SDK1: variants seen among roughly 807,000 people sequenced by gnomAD.
SDK1 encodes sidekick cell adhesion molecule 1.
Under a neutral mutation model 245.5 loss-of-function variants are expected in SDK1, and 157 were observed. That is an observed-to-expected ratio of 0.64 (90% CI 0.56 to 0.73). The LOEUF is 0.73. Among genes scored for constraint, SDK1 ranks in the 30% least tolerant of loss-of-function variants. SDK1 has a pLI of 0.00. For missense variants in SDK1, 3,583 were observed against 3,002.3 expected, an observed-to-expected ratio of 1.19 and a Z score of -4.52; for synonymous variants, 1,647 against 1,278.5, an observed-to-expected ratio of 1.29 and a Z score of -6.15.
intron 1 of SDK1, among the ~76,000 whole-genome samples, chr7:3,477,115 G>T (rs962189628): frequency 1.4e-5 from 2 of 146,656 alleles, no homozygotes; most frequent in Non-Finnish European, 3.0e-5. Flanking sequence ...GTACTTCCTT[G>T]TTTAAGCTAG....
intron 1 of SDK1, among the ~76,000 whole-genome samples, chr7:3,458,432 A>G (rs764693290): frequency 6.6e-5 from 10 of 152,000 alleles, no homozygotes; most frequent in South Asian, 2.1e-4. Context: ...AACTCCTTCT[A>G]TGTGGCTGTT....
chr7:3,821,570 T>C lies in SDK1; in HGVS notation c.834T>C (p.His278=). Residue 278 remains histidine, a synonymous_variant, in exon 5 of 45, where the codon CAT becomes CAC. Coordinates refer to ENST00000404826, the MANE Select transcript of SDK1 (RefSeq NM_152744.4). ...AAAACAAGACAAGCCCATTCATTCA[T>C]TTGAGCATAGCAAGTGAGTTTTGAA... ...NGENKTSPFI[H]LSIARDVGTP... 6.2e-7 allele frequency: 1 copy of C among 1,613,504 alleles called. No individual in the cohort carries two copies. The highest frequency in any genetic ancestry group is 8.5e-7 in the Non-Finnish European group (1 of 1,179,784).
rs78027331 is a variant in SDK1 at position 3,684,473 on chromosome 7, A to G, written c.713+42368A>G. 1.2e-3 allele frequency among the ~76,000 whole-genome samples: 181 copies of G among 152,312 alleles called. 1 individual carries two copies. Among genetic ancestry groups the G allele is most frequent in the African/African-American group, 4.2e-3 (176 of 41,562 alleles). On this transcript the variant is annotated intron_variant, in intron 4 of 44. Coordinates refer to ENST00000404826, the MANE Select transcript of SDK1 (RefSeq NM_152744.4). ...GGAGAAGCCCAGCATAAAGCTGAAC[A>G]CACATACCCAGCCGGCCTTTATGCT...
intron 1 of SDK1, among the ~76,000 whole-genome samples, chr7:3,540,394 G>A (rs1370925221): frequency 2.6e-5 from 4 of 152,186 alleles, no homozygotes; most frequent in African/African-American, 9.7e-5. Flanking sequence ...GTGAAAGAGT[G>A]ATACTTCATC....
intron 5 of SDK1, among the ~76,000 whole-genome samples, chr7:3,948,956 G>A (rs372684737): frequency 5.9e-5 from 9 of 152,130 alleles, no homozygotes; most frequent in South Asian, 2.1e-4. Flanking sequence ...TAGCTTCTCC[G>A]GCCGTTTCTC....
chr7:3,428,768 TC>T (rs1779747518), intron 1 of SDK1, among the ~76,000 whole-genome samples: 2 of 151,440 alleles, frequency 1.3e-5, no homozygotes, highest in African/African-American at 4.9e-5. Flanking sequence ...GAATCAAGAG[TC>T]CCCAGCCTTG....
chr7:3,571,631 G>C (rs147548186), intron 1 of SDK1, among the ~76,000 whole-genome samples: 11 of 152,136 alleles, frequency 7.2e-5, no homozygotes, highest in African/African-American at 2.4e-4. Context: ...TTTACAGTTT[G>C]TTCTAAGGGA....
intron 17 of SDK1, among the ~76,000 whole-genome samples, chr7:4,023,402 G>A (rs569210701): frequency 6.6e-6 from 1 of 152,194 alleles, no homozygotes; most frequent in Non-Finnish European, 1.5e-5. Flanking sequence ...TTTCTGAGGG[G>A]TGAGAGGAAA....
At chr7:3,695,467 G>A (rs945447833) in intron 4 of SDK1, among the ~76,000 whole-genome samples, 5 of 151,962 alleles carry the variant, frequency 3.3e-5, no homozygotes, top group Non-Finnish European at 7.4e-5. Flanking sequence ...TTTTGTTATG[G>A]AGTTCCTACT....
chr7:3,793,997 C>T (rs1778895205), intron 4 of SDK1, among the ~76,000 whole-genome samples: 2 of 152,218 alleles, frequency 1.3e-5, no homozygotes, highest in Non-Finnish European at 2.9e-5. Context: ...ACCCCCACAT[C>T]CTAGTAGTCG....
At chr7:3,958,136 GA>G in intron 7 of SDK1, 1 of 375,050 alleles carries the variant, frequency 2.7e-6, no homozygotes. Flanking sequence ...ACCAGCTCTG[GA>G]AGACAGTTCC....
intron 4 of SDK1, among the ~76,000 whole-genome samples, chr7:3,648,999 C>T (rs1782929077): frequency 6.6e-6 from 1 of 152,238 alleles, no homozygotes; most frequent in Non-Finnish European, 1.5e-5. Flanking sequence ...TCCCCTCCCT[C>T]TCTTTCTTCC....
At chr7:3,913,486 G>C (rs985034812) in intron 5 of SDK1, among the ~76,000 whole-genome samples, 5 of 152,032 alleles carry the variant, frequency 3.3e-5, no homozygotes, top group African/African-American at 7.2e-5. Context: ...GTAGAGATGG[G>C]GTTTCACTAT....
Position 4,063,762 on chromosome 7 carries a change from G to A in SDK1, c.2912-4076G>A, listed in dbSNP as rs145989949. Among the ~76,000 whole-genome samples the A allele has an allele frequency of 3.2e-3, 486 of 152,046 alleles. 4 individuals are homozygous for A. Among genetic ancestry groups the A allele is most frequent in the East Asian group, 0.016 (84 of 5,172 alleles). On this transcript the variant is annotated intron_variant, in intron 19 of 44. Transcript: ENST00000404826. ...ACCAAAACCATGGCATGGTATTGGC[G>A]TTAACAACAGACACATAGACCAATG...
intron 1 of SDK1, among the ~76,000 whole-genome samples, chr7:3,543,036 G>T (rs1401221746): frequency 6.6e-6 from 1 of 152,084 alleles, no homozygotes; most frequent in African/African-American, 2.4e-5. Context: ...TTGTTATTTT[G>T]TTCTCATCTC....
chr7:3,322,969 C>T (rs1262006385), intron 1 of SDK1, among the ~76,000 whole-genome samples: 1 of 152,132 alleles, frequency 6.6e-6, no homozygotes, highest in East Asian at 1.9e-4. Flanking sequence ...GCCGCCACAC[C>T]TGGCTCATTT....
chr7:3,326,959 T>C (rs1042832617), intron 1 of SDK1, among the ~76,000 whole-genome samples: 3 of 152,198 alleles, frequency 2.0e-5, no homozygotes, highest in African/African-American at 7.2e-5. Flanking sequence ...AGTTAATTGA[T>C]TTTCTTCCTG....
intron 20 of SDK1, among the ~76,000 whole-genome samples, chr7:4,069,216 G>A (rs1037548857): frequency 6.6e-6 from 1 of 152,170 alleles, no homozygotes; most frequent in African/African-American, 2.4e-5. Flanking sequence ...TACAACTGAG[G>A]GGCTGTCAGG....
intron 28 of SDK1, among the ~76,000 whole-genome samples, chr7:4,142,311 C>T (rs1174699451): frequency 2.6e-5 from 4 of 151,756 alleles, no homozygotes; most frequent in East Asian, 3.9e-4. Flanking sequence ...TTTGGTTTTG[C>T]GTTTTTGTTT....
Sources: gnomAD v4.1 joint callset for allele counts (sites outside exome capture counted in the v4.1 genomes callset) on GRCh38, gnomAD v4.1.1 for gene constraint, MANE v1.5 for transcripts, NCBI Gene and HGNC (gene_info 2026-07-23, HGNC 2026-07-21) for gene names.